The following OXCT1 variants were observed in gnomAD, a reference collection of about 807,000 sequenced individuals.
OXCT1 encodes succinyl-CoA:3-ketoacid coenzyme A transferase 1, mitochondrial.
A neutral mutation model predicts 69.6 loss-of-function variants in OXCT1; 27 were observed. That is an observed-to-expected ratio of 0.39 (90% CI 0.29 to 0.54). The LOEUF (loss-of-function observed/expected upper bound fraction) is 0.54. OXCT1 is among the 20% of genes least tolerant of loss of function. OXCT1 has a pLI of 0.72. For synonymous variants in OXCT1, 202 were observed against 217.8 expected, an observed-to-expected ratio of 0.93 and a Z score of 0.64; for missense variants, 437 against 650.2, an observed-to-expected ratio of 0.67 and a Z score of 3.57.
intron 15 of OXCT1, among the ~76,000 whole-genome samples, chr5:41,745,150 G>A (rs1743404111): frequency 6.6e-6 from 1 of 151,956 alleles, no homozygotes; most frequent in African/African-American, 2.4e-5. Flanking sequence ...ATAGTTGGAA[G>A]TAAAGCACTC....
intron 15 of OXCT1, among the ~76,000 whole-genome samples, chr5:41,744,729 G>A (rs1182100023): frequency 6.6e-6 from 1 of 152,216 alleles, no homozygotes; most frequent in African/African-American, 2.4e-5. Flanking sequence ...TAATCATGCG[G>A]TTTTTGTCAT....
chr5:41,759,268 C>T (rs776955777), intron 14 of OXCT1, among the ~76,000 whole-genome samples: 1 of 152,004 alleles, frequency 6.6e-6, no homozygotes, highest in South Asian at 2.1e-4. Context: ...CATATCTCAA[C>T]CTTACTTCAG....
intron 1 of OXCT1, among the ~76,000 whole-genome samples, chr5:41,866,122 G>A (rs1749962346): frequency 1.4e-5 from 2 of 147,114 alleles, no homozygotes. Context: ...GACTATAGAA[G>A]ATACTCAGGG....
At position 41,866,028 on chromosome 5, in the gene OXCT1, C is replaced by A. The variant is rs538834581; in HGVS notation, c.79-3278G>T. ...GTTTTTATATGTACAGTAGACCCCCCCCCCCACCGCTTATCCACAGTTTCC... is the reference window on the plus strand; with the variant it reads ...GTTTTTATATGTACAGTAGACCCCCACCCCCACCGCTTATCCACAGTTTCC... On this transcript the variant is annotated intron_variant, in intron 1 of 16. Coordinates refer to ENST00000196371, the MANE Select transcript of OXCT1 (RefSeq NM_000436.4). Among the ~76,000 whole-genome samples the A allele has an allele frequency of 1.3e-3, 193 of 146,566 alleles. 7 individuals carry two copies. Among genetic ancestry groups the A allele is most frequent in the South Asian group, 0.013 (58 of 4,482 alleles).
At chr5:41,794,574 G>T in intron 12 of OXCT1, 103 bp downstream of exon 12, 1 of 1,030,080 alleles carries the variant, frequency 9.7e-7, no homozygotes. Flanking sequence ...TAGTTTTCTG[G>T]CTGGGAAATG....
chr5:41,865,102 G>A (rs755039826), intron 1 of OXCT1, among the ~76,000 whole-genome samples: 7 of 152,058 alleles, frequency 4.6e-5, no homozygotes, highest in East Asian at 1.9e-4. Context: ...GTTACAATCC[G>A]AATACACTTG....
chr5:41,773,509 A>C (rs1200182831), intron 13 of OXCT1, among the ~76,000 whole-genome samples: 20 of 151,982 alleles, frequency 1.3e-4, no homozygotes, highest in Non-Finnish European at 2.9e-5. Flanking sequence ...AAGTGGGAGG[A>C]TCACCTGAGC....
At chr5:41,855,905 C>T (rs1279393246) in intron 3 of OXCT1, among the ~76,000 whole-genome samples, 8 of 152,076 alleles carry the variant, frequency 5.3e-5, no homozygotes, top group Non-Finnish European at 8.8e-5. Context: ...GAAAACATCT[C>T]GAGAACAGTG....
At chr5:41,836,291 G>A (rs74341277) in intron 7 of OXCT1, among the ~76,000 whole-genome samples, 1 of 152,192 alleles carries the variant, frequency 6.6e-6, no homozygotes, top group South Asian at 2.1e-4. Context: ...GGCAATATGC[G>A]CCCATGTGCA....
At chr5:41,859,497 G>C (rs762319023) in intron 3 of OXCT1, among the ~76,000 whole-genome samples, 25 of 152,112 alleles carry the variant, frequency 1.6e-4, no homozygotes, top group Admixed American at 2.6e-4. Flanking sequence ...GACAGCAATT[G>C]GGTTGAGTAT....
intron 15 of OXCT1, 136 bp from the exon 16 acceptor site, chr5:41,739,627 A>G: frequency 1.5e-6 from 1 of 668,176 alleles, no homozygotes; most frequent in Non-Finnish European, 2.7e-6. Context: ...GCATTTTGGT[A>G]GGCTTAGGTG....
intron 14 of OXCT1, among the ~76,000 whole-genome samples, chr5:41,756,100 A>G (rs1744055039): frequency 6.6e-6 from 1 of 152,064 alleles, no homozygotes; most frequent in Non-Finnish European, 1.5e-5. Context: ...TTTATTCTCA[A>G]CTTCATAACA....
intron 13 of OXCT1, among the ~76,000 whole-genome samples, chr5:41,765,342 C>T (rs1008000697): frequency 2.0e-5 from 3 of 152,160 alleles, no homozygotes; most frequent in Admixed American, 2.0e-4. Context: ...TGGACGCTGA[C>T]ATCCAAAGCG....
At position 41,801,020 on chromosome 5, in the gene OXCT1, A is replaced by G. The variant is rs202242762; in HGVS notation, c.1099+2T>C. 68 of 1,611,298 alleles carry G rather than the reference A, an allele frequency of 4.2e-5. No individual in the cohort carries two copies. The highest frequency in any genetic ancestry group is 5.3e-5 in the African/African-American group (4 of 74,842). ...GGAAGGGCTAGAAATAAGTGAGCTT[A>G]CCTGCATTGATGAGATCTGCATCAG... On this transcript the variant is annotated splice_donor_variant, in intron 11 of 16. Coordinates refer to ENST00000196371, the MANE Select transcript of OXCT1 (RefSeq NM_000436.4). LOFTEE classifies it high-confidence loss of function.
rs779623287 is a variant in OXCT1, at chr5:41,870,320, G to A, written c.39C>T (p.Leu13=). 6.2e-6 allele frequency: 10 copies of A among 1,613,896 alleles called. No individual in the cohort carries two copies. Among genetic ancestry groups the A allele is most frequent in the African/African-American group, 1.3e-5 (1 of 74,946 alleles). ...ALKLLSSGLR[L]CASARGSGAT... is the part of the protein sequence containing the mutation. ...CCCCAGATCCGCGGGCAGAGGCGCAGAGCCGAAGCCCGGAGGAGAGGAGTT... is the reference window on the plus strand; with the variant it reads ...CCCCAGATCCGCGGGCAGAGGCGCAAAGCCGAAGCCCGGAGGAGAGGAGTT... The change falls in exon 1 of 17, where the codon CTC becomes CTT. Residue 13 remains leucine (L), a synonymous_variant. Transcript: ENST00000196371. The surrounding 1 kb of genome is among the most constrained non-coding windows in gnomAD (Gnocchi z 4.2).
chr5:41,755,105 T>A (rs1050215051), intron 14 of OXCT1, among the ~76,000 whole-genome samples: 2 of 152,098 alleles, frequency 1.3e-5, no homozygotes, highest in African/African-American at 4.8e-5. Flanking sequence ...TGAACTGTTG[T>A]GGTACCTTAG....
intron 7 of OXCT1, among the ~76,000 whole-genome samples, chr5:41,809,442 T>C (rs1313734382): frequency 6.6e-6 from 1 of 152,014 alleles, no homozygotes; most frequent in African/African-American, 2.4e-5. Flanking sequence ...CTGAAGTTTC[T>C]AAACCCTAAA....
Position 41,731,045 on chromosome 5 carries a change from G to T in OXCT1, c.*684C>A, listed in dbSNP as rs1742595318. On this transcript the variant is annotated 3_prime_UTR_variant, in exon 17 of 17. Transcript: ENST00000196371. The stretch of plus-strand genomic sequence containing the variant: ...TGAGGATACAAAGGAATACTGGGCT[G>T]TTTTAAAATGAGAAAACTGAGAAGA... 6.6e-6 allele frequency: 1 copy of T among 152,442 alleles called. No homozygotes were observed. The highest frequency in any genetic ancestry group is 1.9e-4 in the East Asian group (1 of 5,204). 9.4% of individuals were successfully genotyped at this position (152,442 alleles called of 1,614,324 possible).
intron 13 of OXCT1, among the ~76,000 whole-genome samples, chr5:41,773,612 C>T (rs1744984593): frequency 1.7e-5 from 2 of 120,540 alleles, no homozygotes; most frequent in Admixed American, 9.0e-5. Context: ...TCGCAACCCG[C>T]CCACCCCCAC....
Sources: allele counts gnomAD v4.1 joint callset (sites outside exome capture counted in the v4.1 genomes callset), GRCh38; gene constraint gnomAD v4.1.1; non-coding constraint Gnocchi (gnomAD v3.1); transcripts MANE v1.5; gene names NCBI Gene and HGNC (gene_info 2026-07-23, HGNC 2026-07-21).